TMEM178B: variants seen among roughly 807,000 people sequenced by gnomAD.
TMEM178B encodes transmembrane protein 178B.
In TMEM178B, 5 loss-of-function variants were observed where a neutral mutation model predicts 31.0. The observed-to-expected ratio is 0.16, with a 90% CI of 0.08 to 0.34. TMEM178B has a LOEUF of 0.34. Among genes scored for constraint, TMEM178B ranks in the 10% least tolerant of loss-of-function variants. The pLI, the probability that TMEM178B is intolerant of heterozygous loss-of-function variation, is 1.00. For missense variants in TMEM178B, 275 were observed against 400.3 expected (o/e 0.69, Z 2.67); for synonymous variants, 164 against 164.0 (o/e 1.00, Z 0.00).
At position 141,271,504 on chromosome 7, in the gene TMEM178B, A is replaced by C. The variant is rs547046930; in HGVS notation, c.496+58800A>C. On this transcript the variant is annotated intron_variant, in intron 2 of 3. Transcript: ENST00000565468. ...CATCATGAGATGGGCCCCAGTGCAT[A>C]GGAAGAGTCTGCTGGTATTGATCGT... Among the ~76,000 whole-genome samples, 84 of 152,296 alleles carry C rather than the reference A, an allele frequency of 5.5e-4. 1 individual carries two copies. In the South Asian group the frequency reaches 0.017, roughly 31 times the overall value.
At chr7:141,362,575 G>A (rs558983376) in intron 2 of TMEM178B, among the ~76,000 whole-genome samples, 2 of 152,184 alleles carry the variant, frequency 1.3e-5, no homozygotes, top group African/African-American at 4.8e-5. Flanking sequence ...AAAGTGCTCT[G>A]TGGAACAAGG....
At position 141,127,450 on chromosome 7, in the gene TMEM178B, G is replaced by A. The variant is rs147883122; in HGVS notation, c.382+52758G>A. ...GGGGTGAGCCCTAAATCCGAAGACA[G>A]GTGTCCCAATAAGAAGAAGAGAGGC... is the stretch of plus-strand genomic sequence containing the variant. On this transcript the variant is annotated intron_variant, in intron 1 of 3. Transcript: ENST00000565468. Among the ~76,000 whole-genome samples the A allele has an allele frequency of 4.1e-3, 620 of 152,254 alleles. 3 individuals carry two copies. The highest frequency in any genetic ancestry group is 6.3e-3 in the Non-Finnish European group (430 of 68,008).
At chr7:141,105,539 A>G (rs1795130109) in intron 1 of TMEM178B, among the ~76,000 whole-genome samples, 1 of 152,068 alleles carries the variant, frequency 6.6e-6, no homozygotes, top group Admixed American at 6.6e-5. Flanking sequence ...CAAAAAACAT[A>G]TTTCTTTTGT....
At chr7:141,456,644 C>T (rs1801969290) in intron 3 of TMEM178B, among the ~76,000 whole-genome samples, 1 of 152,166 alleles carries the variant, frequency 6.6e-6, no homozygotes. Flanking sequence ...AAAAGGTCTG[C>T]AGGAAGTTCT....
intron 2 of TMEM178B, among the ~76,000 whole-genome samples, chr7:141,379,201 T>C (rs553774738): frequency 6.6e-6 from 1 of 151,988 alleles, no homozygotes; most frequent in African/African-American, 2.4e-5. Flanking sequence ...GCACAATGGC[T>C]CATGCCTGTA....
intron 2 of TMEM178B, among the ~76,000 whole-genome samples, chr7:141,351,587 T>G (rs1199055699): frequency 6.6e-6 from 1 of 152,212 alleles, no homozygotes; most frequent in Non-Finnish European, 1.5e-5. Flanking sequence ...AAGAGGGGCT[T>G]CAAAGTCACC....
intron 1 of TMEM178B, among the ~76,000 whole-genome samples, chr7:141,075,633 A>T (rs954085296): frequency 5.3e-5 from 8 of 152,252 alleles, no homozygotes; most frequent in African/African-American, 1.7e-4. Context: ...CTCTGAAGAA[A>T]GGAATATGTT....
chr7:141,112,536 G>A (rs1002071677), intron 1 of TMEM178B, among the ~76,000 whole-genome samples: 1 of 152,214 alleles, frequency 6.6e-6, no homozygotes, highest in African/African-American at 2.4e-5. Context: ...TAACAGGCAT[G>A]AGCCACCACG....
chr7:141,333,754 T>G (rs888241168), intron 2 of TMEM178B, among the ~76,000 whole-genome samples: 1 of 152,226 alleles, frequency 6.6e-6, no homozygotes, highest in Non-Finnish European at 1.5e-5. Flanking sequence ...TTCCGTGGAC[T>G]GGGGTGGAGG....
intron 3 of TMEM178B, among the ~76,000 whole-genome samples, chr7:141,464,357 T>C (rs1802113884): frequency 6.6e-6 from 1 of 152,164 alleles, no homozygotes; most frequent in Non-Finnish European, 1.5e-5. Context: ...CTTCTAGACT[T>C]GGGAGGGAAC....
intron 2 of TMEM178B, among the ~76,000 whole-genome samples, chr7:141,411,362 A>C (rs1484440068): frequency 6.6e-6 from 1 of 152,318 alleles, no homozygotes; most frequent in South Asian, 2.1e-4. Context: ...GTTGCGCAAC[A>C]GTATGAATGT....
At chr7:141,188,887 G>A (rs1487248750) in intron 1 of TMEM178B, among the ~76,000 whole-genome samples, 2 of 152,244 alleles carry the variant, frequency 1.3e-5, no homozygotes, top group Admixed American at 1.3e-4. Context: ...AAAAGAGCCA[G>A]CGTTATTCAT....
At chr7:141,435,764 A>G (rs1429672165) in intron 2 of TMEM178B, among the ~76,000 whole-genome samples, 1 of 152,214 alleles carries the variant, frequency 6.6e-6, no homozygotes, top group Admixed American at 6.5e-5. Flanking sequence ...GCAGTGCTGC[A>G]TGATAATCAG....
chr7:141,317,346 G>A (rs185282735), intron 2 of TMEM178B, among the ~76,000 whole-genome samples: 45 of 152,274 alleles, frequency 3.0e-4, no homozygotes, highest in African/African-American at 8.4e-4. Context: ...ATGCTGAAGC[G>A]AAGAAAGGCC....
downstream of TMEM178B, among the ~76,000 whole-genome samples, chr7:141,481,772 T>A (rs1802480866): frequency 1.3e-5 from 2 of 152,014 alleles, no homozygotes; most frequent in Non-Finnish European, 2.9e-5. Context: ...GATAGTAATG[T>A]CCCTTAGAAG....
At chr7:141,408,314 A>C (rs1800921731) in intron 2 of TMEM178B, among the ~76,000 whole-genome samples, 1 of 152,214 alleles carries the variant, frequency 6.6e-6, no homozygotes, top group Non-Finnish European at 1.5e-5. Flanking sequence ...GTTTCTAGTG[A>C]CAGCTGCAGA....
Position 141,470,615 on chromosome 7 carries a change from C to T in TMEM178B, c.714C>T (p.Tyr238=), listed in dbSNP as rs58854811. The change falls in exon 4 of 4, where the codon TAC becomes TAT. Residue 238 remains tyrosine (Y), a synonymous_variant. Coordinates refer to ENST00000565468, the MANE Select transcript of TMEM178B (RefSeq NM_001195278.2). The stretch of plus-strand genomic sequence containing the variant: ...TGTCACGCTACCCACGCTACCTGTA[C>T]GGACTCCCTGATGACATCAGCCATG... ...FELSRYPRYL[Y]GLPDDISHGY... 1.6e-3 allele frequency: 2,473 copies of T among 1,535,332 alleles called. 32 individuals carry two copies. In the African/African-American group the frequency reaches 0.029, roughly 18 times the overall value.
At chr7:141,235,044 G>A (rs1478006523) in intron 2 of TMEM178B, among the ~76,000 whole-genome samples, 1 of 152,188 alleles carries the variant, frequency 6.6e-6, no homozygotes, top group African/African-American at 2.4e-5. Flanking sequence ...TTCAATATGA[G>A]TATTATTTAT....
chr7:141,223,135 T>C (rs1472465778), intron 2 of TMEM178B, among the ~76,000 whole-genome samples: 1 of 152,180 alleles, frequency 6.6e-6, no homozygotes, highest in Non-Finnish European at 1.5e-5. Context: ...TCTTCTATTC[T>C]ATTTCAGATG....
Sources: allele counts gnomAD v4.1 joint callset (sites outside exome capture counted in the v4.1 genomes callset), GRCh38; gene constraint gnomAD v4.1.1; transcripts MANE v1.5; gene names NCBI Gene and HGNC (gene_info 2026-07-23, HGNC 2026-07-21).